GRIN2B: variants seen among roughly 807,000 people sequenced by gnomAD.
GRIN2B encodes glutamate receptor ionotropic, NMDA 2B.
GRIN2B carries 5 observed loss-of-function variants against 114.5 expected under a neutral mutation model. That is an observed-to-expected ratio of 0.04 (90% CI 0.02 to 0.09). GRIN2B has a LOEUF of 0.09. GRIN2B is among the 10% of genes least tolerant of loss of function. The pLI is 1.00. For missense variants in GRIN2B, 1,108 were observed against 1,943.5 expected (o/e 0.57, Z 8.08); for synonymous variants, 787 against 745.1 (o/e 1.06, Z -0.92).
At chr12:13,695,139 T>A (rs982523829) in intron 4 of GRIN2B, among the ~76,000 whole-genome samples, 2 of 152,146 alleles carry the variant, frequency 1.3e-5, no homozygotes, top group African/African-American at 4.8e-5. Flanking sequence ...GTGAAAGAAG[T>A]CTTTGTCAAG....
chr12:13,621,997 C>T (rs1168607009), intron 5 of GRIN2B, among the ~76,000 whole-genome samples: 2 of 151,630 alleles, frequency 1.3e-5, no homozygotes, highest in East Asian at 1.9e-4. Context: ...AGCAGAAGGG[C>T]GAATGTGTCA....
intron 4 of GRIN2B, among the ~76,000 whole-genome samples, chr12:13,722,212 A>G (rs1483796770): frequency 1.3e-5 from 2 of 152,162 alleles, no homozygotes; most frequent in East Asian, 3.9e-4. Flanking sequence ...TAAGAGGAAC[A>G]GAAAAACAAG....
intron 4 of GRIN2B, among the ~76,000 whole-genome samples, chr12:13,733,788 A>T (rs1048107316): frequency 2.0e-5 from 3 of 152,216 alleles, no homozygotes; most frequent in African/African-American, 7.2e-5. Flanking sequence ...ACCTCATATA[A>T]TCAAAAAATC....
intron 3 of GRIN2B, among the ~76,000 whole-genome samples, chr12:13,769,147 G>T (rs1300009773): frequency 6.6e-6 from 1 of 152,072 alleles, no homozygotes; most frequent in Admixed American, 6.5e-5. Context: ...CCATTTTCAT[G>T]AGGCAAACAT....
chr12:13,611,614 T>C, intron 9 of GRIN2B, 111 bp downstream of exon 9: 1 of 1,106,404 alleles, frequency 9.0e-7, no homozygotes, highest in Non-Finnish European at 1.4e-6. Flanking sequence ...TGAGGGTTCC[T>C]TTTCAGAAAT....
chr12:13,823,391 T>C (rs1864973462), intron 3 of GRIN2B, among the ~76,000 whole-genome samples: 1 of 152,090 alleles, frequency 6.6e-6, no homozygotes, highest in Admixed American at 6.5e-5. Flanking sequence ...TATGTTGATA[T>C]ATATGTATAA....
chr12:13,959,112 GACACAGAGA>G (rs1286247208), intron 2 of GRIN2B, among the ~76,000 whole-genome samples: 1 of 152,210 alleles, frequency 6.6e-6, no homozygotes, highest in Non-Finnish European at 1.5e-5. Context: ...GGAGTAATAG[GACACAGAGA>G]ATCTGGTGGG....
intron 4 of GRIN2B, among the ~76,000 whole-genome samples, chr12:13,709,460 G>A (rs1344355619): frequency 6.6e-6 from 1 of 151,948 alleles, no homozygotes; most frequent in Non-Finnish European, 1.5e-5. Flanking sequence ...GAAAGCGTCA[G>A]CAAAGACACA....
chr12:13,838,268 G>T (rs1865313495), intron 3 of GRIN2B, among the ~76,000 whole-genome samples: 1 of 152,128 alleles, frequency 6.6e-6, no homozygotes, highest in Non-Finnish European at 1.5e-5. Context: ...TCGGCCCAAA[G>T]CACCTGCGTG....
Position 13,559,840 on chromosome 12 carries a change from G to A in GRIN2B, c.*2943C>T, listed in dbSNP as rs934867541. The A allele has an allele frequency of 6.6e-6, 1 of 152,184 alleles. No individual in the cohort carries two copies. The highest frequency in any genetic ancestry group is 1.5e-5 in the Non-Finnish European group (1 of 68,034). The allele number at this position is 152,184 out of a possible 1,614,324, so 9.4% of individuals were successfully genotyped here. A position where few individuals can be genotyped will look rare whatever the true frequency, so the allele number is the denominator to read the frequency against. ...AAGAAAAGACTCAGATGACTGAGAC[G>A]ATTGTTTCAGCATCAGAGGAGGCCG... On this transcript the variant is annotated 3_prime_UTR_variant, in exon 14 of 14. Transcript: ENST00000609686.
intron 4 of GRIN2B, among the ~76,000 whole-genome samples, chr12:13,709,948 T>G (rs1428375390): frequency 7.9e-5 from 12 of 151,976 alleles, no homozygotes; most frequent in Non-Finnish European, 1.8e-4. Context: ...AATAAAAACA[T>G]ATGTCCACAA....
intron 4 of GRIN2B, among the ~76,000 whole-genome samples, chr12:13,732,731 G>A (rs2136606209): frequency 6.6e-6 from 1 of 152,288 alleles, no homozygotes; most frequent in East Asian, 1.9e-4. Context: ...TCTTTGCAAA[G>A]TAGGTACTTT....
At chr12:13,757,289 T>C (rs924260091) in intron 3 of GRIN2B, among the ~76,000 whole-genome samples, 4 of 152,204 alleles carry the variant, frequency 2.6e-5, no homozygotes, top group African/African-American at 9.6e-5. Context: ...ATCAATATGG[T>C]ATACAGTGAT....
intron 2 of GRIN2B, among the ~76,000 whole-genome samples, chr12:13,874,397 T>G (rs1363182228): frequency 6.6e-6 from 1 of 152,240 alleles, no homozygotes; most frequent in Non-Finnish European, 1.5e-5. Context: ...ACTTTACATG[T>G]GTGCATTTTA....
chr12:13,584,903 G>T lies in GRIN2B; in HGVS notation c.2011-12939C>A, dbSNP rs3026170. Among the ~76,000 whole-genome samples the T allele has an allele frequency of 3.7e-3, 560 of 152,306 alleles. 7 individuals are homozygous for T. The highest frequency in any genetic ancestry group is 0.025 in the East Asian group (130 of 5,182). ...TCTTACACAAGATTGTTACAAAGAG[G>T]TGTTATTACTGTCCACTGCACTCTA... On this transcript the variant is annotated intron_variant, in intron 10 of 13. Transcript: ENST00000609686.
At chr12:13,952,123 A>G (rs1240541079) in intron 2 of GRIN2B, among the ~76,000 whole-genome samples, 1 of 152,156 alleles carries the variant, frequency 6.6e-6, no homozygotes, top group Non-Finnish European at 1.5e-5. Flanking sequence ...ATATAAAAAT[A>G]AAAATGTATA....
intron 2 of GRIN2B, among the ~76,000 whole-genome samples, chr12:13,870,552 G>A (rs936561536): frequency 2.6e-5 from 4 of 152,156 alleles, no homozygotes; most frequent in Admixed American, 1.3e-4. Flanking sequence ...ATCTGGGTGA[G>A]AAGCCAGGCC....
chr12:13,934,312 A>G (rs563528628), intron 2 of GRIN2B, among the ~76,000 whole-genome samples: 1 of 152,234 alleles, frequency 6.6e-6, no homozygotes, highest in Non-Finnish European at 1.5e-5. Flanking sequence ...CAGAAGTTGC[A>G]TGCCATTGAC....
intron 2 of GRIN2B, among the ~76,000 whole-genome samples, chr12:13,946,747 A>G (rs1867369214): frequency 1.3e-5 from 2 of 152,158 alleles, no homozygotes; most frequent in Non-Finnish European, 2.9e-5. Flanking sequence ...ATTTTATGAT[A>G]TGTGTATTTT....
Sources: allele counts gnomAD v4.1 joint callset (sites outside exome capture counted in the v4.1 genomes callset), GRCh38; gene constraint gnomAD v4.1.1; transcripts MANE v1.5; gene names NCBI Gene and HGNC (gene_info 2026-07-23, HGNC 2026-07-21).